The following IGSF11 variants were observed in gnomAD, a reference collection of about 807,000 sequenced individuals.
The protein encoded by IGSF11 is immunoglobulin superfamily member 11, also known as CXADR like 1.
In IGSF11, 22 loss-of-function variants were observed where a neutral mutation model predicts 41.0. The observed-to-expected ratio is 0.54, with a 90% CI of 0.38 to 0.77. The LOEUF is 0.77. Ranked by LOEUF, IGSF11 falls within the 30% of genes least tolerant of loss-of-function variation. The pLI is 0.00. For synonymous variants in IGSF11, 219 were observed against 201.3 expected (o/e 1.09, Z -0.74); for missense variants, 444 against 530.8 (o/e 0.84, Z 1.61).
intron 3 of IGSF11, among the ~76,000 whole-genome samples, chr3:118,927,605 G>C (rs940343226): frequency 2.0e-5 from 3 of 152,140 alleles, no homozygotes; most frequent in Non-Finnish European, 2.9e-5. Context: ...GTATTCTTAA[G>C]TGACTCAACA....
chr3:119,097,034 T>C (rs370074468), intron 1 of IGSF11, among the ~76,000 whole-genome samples: 47 of 152,342 alleles, frequency 3.1e-4, no homozygotes, highest in African/African-American at 1.1e-3. Context: ...ACTTTTAAGA[T>C]TTATTACACT....
At chr3:118,971,273 C>G (rs1933383264) in intron 1 of IGSF11, among the ~76,000 whole-genome samples, 1 of 152,082 alleles carries the variant, frequency 6.6e-6, no homozygotes, top group African/African-American at 2.4e-5. Flanking sequence ...TAGCAAACTT[C>G]AGAGAGTGAC....
At chr3:118,987,027 C>G (rs557301136) in intron 1 of IGSF11, among the ~76,000 whole-genome samples, 1 of 152,182 alleles carries the variant, frequency 6.6e-6, no homozygotes, top group African/African-American at 2.4e-5. Context: ...ATCTAGACAT[C>G]TGTCCACTAA....
At chr3:119,040,463 G>T (rs1941077528) in intron 1 of IGSF11, among the ~76,000 whole-genome samples, 1 of 152,162 alleles carries the variant, frequency 6.6e-6, no homozygotes, top group Admixed American at 6.5e-5. Flanking sequence ...CAATTCCCCT[G>T]TCTTGATGAA....
At chr3:119,067,195 A>G (rs1942259611) in intron 1 of IGSF11, among the ~76,000 whole-genome samples, 1 of 152,186 alleles carries the variant, frequency 6.6e-6, no homozygotes. Flanking sequence ...TCTGTCCTGT[A>G]CTAGCGTATA....
chr3:118,955,684 C>T (rs1037411917), intron 1 of IGSF11, among the ~76,000 whole-genome samples: 2 of 152,076 alleles, frequency 1.3e-5, no homozygotes, highest in Non-Finnish European at 2.9e-5. Context: ...CTGCTATAAA[C>T]AGATGTGCTA....
At position 119,111,888 on chromosome 3, in the gene IGSF11, G is replaced by A. The variant is rs565533163; in HGVS notation, c.-13-6683C>T. ...CCCTGTTTGCCTGGGTATCAGCAGC[G>A]GTGCCTGCAGACCAGCGGATTTTCG... On this transcript the variant is annotated intron_variant, in intron 1 of 7. Coordinates refer to the IGSF11 transcript ENST00000425327. Among the ~76,000 whole-genome samples the A allele has an allele frequency of 9.4e-4, 143 of 152,332 alleles. 6 individuals carry two copies. In the South Asian group the frequency reaches 0.028, roughly 30 times the overall value.
chr3:119,129,944 C>G (rs910968098), intron 1 of IGSF11, among the ~76,000 whole-genome samples: 1 of 152,016 alleles, frequency 6.6e-6, no homozygotes, highest in Non-Finnish European at 1.5e-5. Context: ...ATGATCACAC[C>G]ACTGCACTCC....
chr3:118,974,212 T>G (rs1453516829), intron 1 of IGSF11, among the ~76,000 whole-genome samples: 4 of 152,054 alleles, frequency 2.6e-5, no homozygotes, highest in Admixed American at 2.6e-4. Context: ...AACGTCAAGA[T>G]AGAAGCATGG....
intron 1 of IGSF11, among the ~76,000 whole-genome samples, chr3:119,015,543 A>G (rs1004718110): frequency 6.6e-6 from 1 of 152,224 alleles, no homozygotes; most frequent in East Asian, 1.9e-4. Context: ...TATTCTTCAC[A>G]TGCCTCTATT....
intron 1 of IGSF11, among the ~76,000 whole-genome samples, chr3:119,047,776 A>G (rs1576726383): frequency 2.0e-5 from 3 of 152,252 alleles, no homozygotes; most frequent in Admixed American, 2.0e-4. Context: ...ATGTAAAAGA[A>G]CAGAAATTAT....
At chr3:119,064,707 C>T (rs1177493355) in intron 1 of IGSF11, among the ~76,000 whole-genome samples, 2 of 151,812 alleles carry the variant, frequency 1.3e-5, no homozygotes, top group African/African-American at 2.4e-5. Context: ...TTTCATTTCT[C>T]GCAATAATAT....
chr3:119,060,072 T>A (rs901228063), intron 1 of IGSF11, among the ~76,000 whole-genome samples: 1 of 152,188 alleles, frequency 6.6e-6, no homozygotes, highest in Non-Finnish European at 1.5e-5. Flanking sequence ...ATTTGGCTAT[T>A]CAGCCTCCTT....
intron 1 of IGSF11, among the ~76,000 whole-genome samples, chr3:119,050,094 G>A (rs1273613706): frequency 1.3e-5 from 2 of 149,264 alleles, no homozygotes; most frequent in African/African-American, 2.5e-5. Flanking sequence ...CATGGGCAAG[G>A]ACTTCATGTC....
Position 119,069,268 on chromosome 3 carries a change from C to T in IGSF11, c.49+35876G>A, listed in dbSNP as rs951377222. Among the ~76,000 whole-genome samples the T allele has an allele frequency of 2.0e-5, 3 of 152,060 alleles. No homozygotes were observed. In the East Asian group the frequency reaches 5.8e-4, roughly 29 times the overall value. ...CCATATCTTTGGTAGAGAGGAGAGA[C>T]AACATGCTTACATTTTAGTAGGTTG... On this transcript the variant is annotated intron_variant, in intron 1 of 6. Coordinates refer to the IGSF11 transcript ENST00000354673.
chr3:119,012,277 G>GA (rs1186389808), intron 1 of IGSF11, among the ~76,000 whole-genome samples: 5 of 152,040 alleles, frequency 3.3e-5, no homozygotes, highest in Admixed American at 1.3e-4. Flanking sequence ...AAATTCAGGA[G>GA]AAAAAAACTA....
chr3:118,989,233 C>A (rs1305991524), intron 1 of IGSF11, among the ~76,000 whole-genome samples: 2 of 152,182 alleles, frequency 1.3e-5, no homozygotes, highest in Non-Finnish European at 2.9e-5. Flanking sequence ...ATAAATGTTA[C>A]AAAGCAATGC....
intron 1 of IGSF11, among the ~76,000 whole-genome samples, chr3:118,980,516 C>T (rs137872934): frequency 2.6e-5 from 4 of 151,978 alleles, no homozygotes; most frequent in East Asian, 1.9e-4. Flanking sequence ...GAGACTGGGA[C>T]GGATGTAAGG....
At chr3:119,127,083 G>C (rs950834458) in intron 1 of IGSF11, among the ~76,000 whole-genome samples, 1 of 152,050 alleles carries the variant, frequency 6.6e-6, no homozygotes, top group African/African-American at 2.4e-5. Flanking sequence ...AAACTATGAT[G>C]AGTTAAAGAA....
Sources: gnomAD v4.1 joint callset for allele counts (sites outside exome capture counted in the v4.1 genomes callset) on GRCh38, gnomAD v4.1.1 for gene constraint, MANE v1.5 for transcripts, NCBI Gene and HGNC (gene_info 2026-07-23, HGNC 2026-07-21) for gene names.